Variants in EXTL3 observed in about 807,000 individuals in gnomAD.
EXTL3 encodes exostosin like glycosyltransferase 3.
EXTL3 carries 27 observed loss-of-function variants against 69.3 expected under a neutral mutation model. That is an observed-to-expected ratio of 0.39 (90% confidence interval 0.29 to 0.54). The LOEUF (loss-of-function observed/expected upper bound fraction) is 0.54, where lower values mean the gene tolerates loss of function less well. Ranked by LOEUF, EXTL3 falls within the 20% of genes least tolerant of loss-of-function variation. The pLI, the probability that EXTL3 is intolerant of heterozygous loss-of-function variation, is 0.69. For synonymous variants in EXTL3, 511 were observed against 499.4 expected (o/e 1.02, Z -0.31); for missense variants, 1,003 against 1,231.8 (o/e 0.81, Z 2.78).
intron 1 of EXTL3, among the ~76,000 whole-genome samples, chr8:28,644,386 G>A (rs893806008): frequency 3.3e-5 from 5 of 152,138 alleles, no homozygotes; most frequent in African/African-American, 4.8e-5. Flanking sequence ...CTGGAGTACA[G>A]TCTCAACTGT....
At chr8:28,738,860 G>A (rs749699734) in intron 5 of EXTL3, among the ~76,000 whole-genome samples, 2 of 152,120 alleles carry the variant, frequency 1.3e-5, no homozygotes, top group South Asian at 2.1e-4. Flanking sequence ...CCTTTTCATC[G>A]TGCCCTGACA....
chr8:28,723,801 C>T (rs1275457727), intron 3 of EXTL3, among the ~76,000 whole-genome samples: 1 of 151,942 alleles, frequency 6.6e-6, no homozygotes, highest in Non-Finnish European at 1.5e-5. Context: ...ACCACCACGC[C>T]TGGCTAATTT....
At chr8:28,732,524 C>T (rs1801559113) in intron 4 of EXTL3, among the ~76,000 whole-genome samples, 1 of 152,070 alleles carries the variant, frequency 6.6e-6, no homozygotes, top group Non-Finnish European at 1.5e-5. Flanking sequence ...TGAAAGAAAC[C>T]CTGTACCTAT....
intron 1 of EXTL3, among the ~76,000 whole-genome samples, chr8:28,668,865 CTTT>C (rs999113088): frequency 9.5e-5 from 9 of 94,450 alleles, no homozygotes; most frequent in South Asian, 3.7e-4. Context: ...GATAGAATCT[CTTT>C]TTTTTTTTTT....
At position 28,716,091 on chromosome 8, in the gene EXTL3, G is replaced by A. The variant is rs763360624; in HGVS notation, c.32G>A (p.Gly11Asp). The A allele has an allele frequency of 1.2e-6, 2 of 1,611,128 alleles. No individual in the cohort carries two copies. The highest frequency in any genetic ancestry group is 1.3e-5 in the African/African-American group (1 of 75,060). ...GGCTATACCATGCTGCGGAATGGGG[G>A]CGCGGGGAACGGAGGTCAGACCTGC... MTGYTMLRNG[G>D]AGNGGQTCML... Residue 11 changes from glycine (G) to aspartate (D), a missense_variant, in exon 3 of 7, where the codon GGC (glycine) becomes GAC (aspartate). Physicochemically the swap from Gly to Asp is moderately conservative, Grantham distance 94. Coordinates refer to ENST00000220562, the MANE Select transcript of EXTL3 (RefSeq NM_001440.4). The surrounding 1 kb of genome is among the most constrained non-coding windows in gnomAD (Gnocchi z 7.1).
chr8:28,670,063 G>C (rs956092704), intron 1 of EXTL3, among the ~76,000 whole-genome samples: 2 of 152,054 alleles, frequency 1.3e-5, no homozygotes. Flanking sequence ...ACAAAAACTA[G>C]CTGGGCATGA....
intron 2 of EXTL3, among the ~76,000 whole-genome samples, chr8:28,617,070 C>A (rs1388479228): frequency 6.6e-6 from 1 of 152,162 alleles, no homozygotes; most frequent in African/African-American, 2.4e-5. Context: ...TTTGTCCTGG[C>A]AGGACTTGCT....
chr8:28,637,073 A>G (rs571724356), intron 1 of EXTL3, among the ~76,000 whole-genome samples: 3 of 152,304 alleles, frequency 2.0e-5, no homozygotes, highest in African/African-American at 7.2e-5. Flanking sequence ...ATATCAGCCA[A>G]CCTAAAAGTT....
At chr8:28,671,316 T>G (rs1305617883) in intron 1 of EXTL3, among the ~76,000 whole-genome samples, 207 of 141,296 alleles carry the variant, frequency 1.5e-3, no homozygotes, top group South Asian at 5.0e-3. Flanking sequence ...TTTGTTTTTT[T>G]TTTTTTTTTT....
chr8:28,686,950 G>A (rs1477833932), intron 1 of EXTL3, among the ~76,000 whole-genome samples: 1 of 152,164 alleles, frequency 6.6e-6, no homozygotes, highest in South Asian at 2.1e-4. Flanking sequence ...TTGAACCCAG[G>A]CCCATGTGAC....
At chr8:28,734,079 A>G (rs1383841986) in intron 4 of EXTL3, among the ~76,000 whole-genome samples, 1 of 151,812 alleles carries the variant, frequency 6.6e-6, no homozygotes, top group African/African-American at 2.4e-5. Context: ...CGGCCTCCCA[A>G]AGTGCTGGGA....
At chr8:28,683,713 G>A (rs1407656922) in intron 1 of EXTL3, among the ~76,000 whole-genome samples, 1 of 152,118 alleles carries the variant, frequency 6.6e-6, no homozygotes, top group Non-Finnish European at 1.5e-5. Context: ...AGGAGGCTGA[G>A]GCAGGAGAAT....
At chr8:28,622,391 C>G (rs1806425836), upstream of EXTL3, among the ~76,000 whole-genome samples, 2 of 152,230 alleles carry the variant, frequency 1.3e-5, no homozygotes, top group African/African-American at 4.8e-5. Flanking sequence ...CGGCGCCCGC[C>G]AGGAGGCAGC....
chr8:28,709,080 G>A (rs1208262675), intron 1 of EXTL3, among the ~76,000 whole-genome samples: 1 of 152,142 alleles, frequency 6.6e-6, no homozygotes, highest in Non-Finnish European at 1.5e-5. Context: ...AATATAGACA[G>A]TGTAACATAA....
At chr8:28,633,180 T>A (rs1806597522) in intron 1 of EXTL3, among the ~76,000 whole-genome samples, 1 of 151,352 alleles carries the variant, frequency 6.6e-6, no homozygotes, top group South Asian at 2.1e-4. Flanking sequence ...CTCTACAAAA[T>A]TTTAAAAATT....
intron 1 of EXTL3, among the ~76,000 whole-genome samples, chr8:28,667,450 T>C (rs1807214387): frequency 6.6e-6 from 1 of 152,224 alleles, no homozygotes; most frequent in South Asian, 2.1e-4. Context: ...TGAATATTTC[T>C]GTTCAATACT....
At chr8:28,676,686 G>C (rs912758878) in intron 1 of EXTL3, among the ~76,000 whole-genome samples, 1 of 152,162 alleles carries the variant, frequency 6.6e-6, no homozygotes, top group South Asian at 2.1e-4. Flanking sequence ...AAATGATTGA[G>C]TGCAATGAAG....
chr8:28,659,246 T>A (rs1321932398), intron 1 of EXTL3, among the ~76,000 whole-genome samples: 1 of 152,216 alleles, frequency 6.6e-6, no homozygotes, highest in Non-Finnish European at 1.5e-5. Flanking sequence ...TTCTTCATTT[T>A]TTTTTTTTTC....
intron 1 of EXTL3, among the ~76,000 whole-genome samples, chr8:28,637,707 C>G (rs1431424771): frequency 6.6e-6 from 1 of 152,038 alleles, no homozygotes. Flanking sequence ...TAGGATCTCT[C>G]TTATTGATGA....
Sources: allele counts gnomAD v4.1 joint callset (sites outside exome capture counted in the v4.1 genomes callset), GRCh38; gene constraint gnomAD v4.1.1; non-coding constraint Gnocchi (gnomAD v3.1); transcripts MANE v1.5; gene names NCBI Gene and HGNC (gene_info 2026-07-23, HGNC 2026-07-21).